RNF170: variants seen among roughly 807,000 people sequenced by gnomAD.
The protein encoded by RNF170 is ring finger protein 170, also known as E3 ubiquitin-protein ligase RNF170.
RNF170 carries 12 observed loss-of-function variants against 32.7 expected under a neutral mutation model. The observed-to-expected ratio is 0.37, with a 90% CI of 0.24 to 0.60. The LOEUF (loss-of-function observed/expected upper bound fraction) is 0.60. Ranked by LOEUF, RNF170 falls within the 20% of genes least tolerant of loss-of-function variation. RNF170 has a pLI of 0.72. For missense variants in RNF170, 212 were observed against 311.2 expected (o/e 0.68, Z 2.40); for synonymous variants, 91 against 103.6 (o/e 0.88, Z 0.74).
At position 42,854,394 on chromosome 8, in the gene RNF170, T is replaced by G. The variant is rs2128921508; in HGVS notation, c.*1765A>C. ...TGTATGACTTCATTCAAAAACACTT[T>G]CATCAATAGCATGGGGATTGTATCT... is the stretch of plus-strand genomic sequence containing the variant. On this transcript the variant is annotated 3_prime_UTR_variant, in exon 7 of 7. Transcript: ENST00000527424. The G allele has an allele frequency of 2.3e-6, 3 of 1,287,256 alleles. No individual in the cohort carries two copies. In the South Asian group the frequency reaches 3.7e-5, roughly 16 times the overall value. The allele number at this position is 1,287,256 out of a possible 1,614,324, so 79.7% of individuals were successfully genotyped here.
At chr8:42,867,502 G>A (rs1283720385) in intron 4 of RNF170, among the ~76,000 whole-genome samples, 2 of 138,318 alleles carry the variant, frequency 1.4e-5, no homozygotes, top group African/African-American at 2.7e-5. Context: ...AAGGCCGGGC[G>A]CGGTGGCTCA....
chr8:42,882,278 G>C (rs986621725), intron 2 of RNF170, among the ~76,000 whole-genome samples: 6 of 152,326 alleles, frequency 3.9e-5, no homozygotes, highest in Non-Finnish European at 8.8e-5. Context: ...TTGTACACCA[G>C]TGTTCCTAGC....
At position 42,854,282 on chromosome 8, in the gene RNF170, T is replaced by C. The variant is rs757718624; in HGVS notation, c.*1877A>G. On this transcript the variant is annotated 3_prime_UTR_variant, in exon 7 of 7. Transcript: ENST00000527424. The stretch of plus-strand genomic sequence containing the variant: ...ACCAGTTTCTCTCTTGCTGTTCCTC[T>C]TAACAACTTTCACGTCTATCTAAAC... The C allele has an allele frequency of 1.6e-5, 21 of 1,287,248 alleles. No individual in the cohort carries two copies. The Middle Eastern group carries it at 2.0e-3, about 120-fold the overall frequency. 79.7% of individuals were successfully genotyped at this position (1,287,248 alleles called of 1,614,324 possible). A position where few individuals can be genotyped will look rare whatever the true frequency, so the allele number is the denominator to read the frequency against.
intron 6 of RNF170, 35 bp from the exon 7 acceptor site, chr8:42,856,463 A>C: frequency 7.0e-7 from 1 of 1,428,302 alleles, no homozygotes; most frequent in Non-Finnish European, 9.8e-7. Context: ...ATGATTCAGC[A>C]CCTAATGTGT....
At chr8:42,850,608 T>G (rs1586463705), downstream of RNF170, 2 of 721,658 alleles carry the variant, frequency 2.8e-6, no homozygotes, top group African/African-American at 3.5e-5. Context: ...TGTCTCTGTT[T>G]TCATAGAGCT....
At chr8:42,859,665 T>G (rs1287431881) in intron 6 of RNF170, among the ~76,000 whole-genome samples, 1 of 151,810 alleles carries the variant, frequency 6.6e-6, no homozygotes. Flanking sequence ...TTTGTTCTTT[T>G]TGAGACAAGG....
intron 1 of RNF170, among the ~76,000 whole-genome samples, chr8:42,893,612 G>A (rs1246018586): frequency 1.3e-5 from 2 of 152,156 alleles, no homozygotes; most frequent in Admixed American, 6.5e-5. Context: ...AGATAATGAA[G>A]GTAAGGCATT....
At chr8:42,889,216 C>T (rs903716510) in intron 1 of RNF170, 1 of 152,198 alleles carries the variant, frequency 6.6e-6, no homozygotes, top group African/African-American at 2.4e-5. Flanking sequence ...TATAGAATCA[C>T]TCTGATGCTG....
chr8:42,875,182 A>AG (rs1804830207), intron 2 of RNF170, among the ~76,000 whole-genome samples: 1 of 152,102 alleles, frequency 6.6e-6, no homozygotes, highest in African/African-American at 2.4e-5. Context: ...AAAAAAAAAA[A>AG]AAAAGAAAGA....
chr8:42,885,693 C>T (rs1373033338), intron 2 of RNF170, among the ~76,000 whole-genome samples: 1 of 152,050 alleles, frequency 6.6e-6, no homozygotes, highest in Non-Finnish European at 1.5e-5. Flanking sequence ...TTTTCATAAA[C>T]CTTTTGGCCA....
At chr8:42,865,062 G>C (rs1206148038) in intron 5 of RNF170, among the ~76,000 whole-genome samples, 1 of 151,490 alleles carries the variant, frequency 6.6e-6, no homozygotes, top group Non-Finnish European at 1.5e-5. Flanking sequence ...TTTCAGACCA[G>C]CCTGGGCAAT....
intron 2 of RNF170, among the ~76,000 whole-genome samples, chr8:42,878,129 C>T (rs918972396): frequency 4.6e-5 from 7 of 152,316 alleles, no homozygotes; most frequent in African/African-American, 1.7e-4. Flanking sequence ...GTCTCTCTCC[C>T]TCTCCTCAGA....
At chr8:42,892,860 G>A (rs926591943) in intron 1 of RNF170, among the ~76,000 whole-genome samples, 3 of 151,994 alleles carry the variant, frequency 2.0e-5, no homozygotes, top group East Asian at 3.9e-4. Flanking sequence ...GGTGGCACAC[G>A]CCTGTGATCC....
chr8:42,872,316 C>T (rs1554499843), intron 3 of RNF170, among the ~76,000 whole-genome samples: 1 of 152,140 alleles, frequency 6.6e-6, no homozygotes, highest in Non-Finnish European at 1.5e-5. Context: ...ATAGTAGTTG[C>T]CTTACTTATG....
At chr8:42,871,279 T>C (rs1804507123) in intron 3 of RNF170, among the ~76,000 whole-genome samples, 1 of 152,190 alleles carries the variant, frequency 6.6e-6, no homozygotes, top group Admixed American at 6.5e-5. Flanking sequence ...AAACTTGTTT[T>C]AATGGAACCC....
chr8:42,892,562 C>G (rs1408685578), intron 1 of RNF170, among the ~76,000 whole-genome samples: 2 of 152,126 alleles, frequency 1.3e-5, no homozygotes, highest in Non-Finnish European at 2.9e-5. Flanking sequence ...TTGCTTCACC[C>G]TCAAAATTTT....
At position 42,896,455 on chromosome 8, in the gene RNF170, T is replaced by TGGGC. The variant is rs1347034033; in HGVS notation, c.-8+25_-8+28dup. On this transcript the variant is annotated intron_variant, in intron 1 of 6. Transcript: ENST00000527424. ...CGCGGCTCCGCGGGCCCCGATAGGG[T>TGGGC]GGGCGTGGCCGCCGCGCGCCGGACG... 17 of 453,304 alleles carry TGGGC rather than the reference T, an allele frequency of 3.8e-5. No homozygotes were observed. In the East Asian group the frequency reaches 1.2e-3, roughly 32 times the overall value. 28.1% of individuals were successfully genotyped at this position (453,304 alleles called of 1,614,324 possible).
chr8:42,886,990 C>CA (rs774572000), intron 2 of RNF170, among the ~76,000 whole-genome samples: 29 of 151,680 alleles, frequency 1.9e-4, no homozygotes, highest in South Asian at 4.2e-4. Context: ...CCTGTCTCTA[C>CA]AAAAAAATAC....
rs926404919 is a variant in RNF170 at position 42,854,790 on chromosome 8, C to T, written c.*1369G>A. On this transcript the variant is annotated 3_prime_UTR_variant, in exon 7 of 7. Coordinates refer to ENST00000527424, the MANE Select transcript of RNF170 (RefSeq NM_030954.4). ...CTCACATCCTGCTGTCATACATTCA[C>T]TAATGAGCAACGCCAGCTGAAGTGA... is the stretch of plus-strand genomic sequence containing the variant. 6.2e-6 allele frequency: 8 copies of T among 1,287,398 alleles called. No individual in the cohort carries two copies. The African/African-American group carries it at 1.2e-4, about 20-fold the overall frequency. The allele number at this position is 1,287,398 out of a possible 1,614,324, so 79.7% of individuals were successfully genotyped here. A position where few individuals can be genotyped will look rare whatever the true frequency, so the allele number is the denominator to read the frequency against.
Sources: allele counts gnomAD v4.1 joint callset (sites outside exome capture counted in the v4.1 genomes callset), GRCh38; gene constraint gnomAD v4.1.1; transcripts MANE v1.5; gene names NCBI Gene and HGNC (gene_info 2026-07-23, HGNC 2026-07-21).